Variants in ARSF observed in about 807,000 individuals in gnomAD.
ARSF encodes arylsulfatase F.
In ARSF, 33 loss-of-function variants were observed where a neutral mutation model predicts 35.4. The observed-to-expected ratio is 0.93, with a 90% CI of 0.71 to 1.25. ARSF has a LOEUF of 1.25. ARSF is among the 50% of genes most tolerant of loss of function. ARSF has a pLI of 0.00. For synonymous variants in ARSF, 222 were observed against 193.1 expected, an observed-to-expected ratio of 1.15 and a Z score of -1.24; for missense variants, 501 against 480.2, an observed-to-expected ratio of 1.04 and a Z score of -0.40.
At chrX:3,042,392 A>G (rs1438498959) in intron 1 of ARSF, among the ~76,000 whole-genome samples, 10 of 112,112 alleles carry the variant, frequency 8.9e-5, no homozygotes, top group Non-Finnish European at 1.7e-4. Flanking sequence ...GATATTCACT[A>G]AATGTCTGGG....
chrX:3,100,191 A>G (rs1348213271), intron 7 of ARSF, among the ~76,000 whole-genome samples: 1 of 112,469 alleles, frequency 8.9e-6, no homozygotes, highest in Non-Finnish European at 1.9e-5. Flanking sequence ...TCAAATAAGA[A>G]GGGAAGGGAA....
intron 7 of ARSF, among the ~76,000 whole-genome samples, chrX:3,090,910 CAT>C (rs2090284553): frequency 9.2e-6 from 1 of 108,304 alleles, no homozygotes; most frequent in Admixed American, 9.9e-5. Context: ...TATGAGTGCA[CAT>C]GTCTTTTTTT....
chrX:3,088,138 A>G (rs2090261828), intron 6 of ARSF, among the ~76,000 whole-genome samples: 1 of 111,999 alleles, frequency 8.9e-6, no homozygotes, highest in South Asian at 3.8e-4. Context: ...AGTTCCCTGT[A>G]TCCTCATGTG....
intron 6 of ARSF, among the ~76,000 whole-genome samples, chrX:3,086,863 CAA>C (rs1446158518): frequency 2.7e-5 from 3 of 111,522 alleles, no homozygotes; most frequent in Admixed American, 9.6e-5. Flanking sequence ...TAATGCAACA[CAA>C]AGTTATTATT....
At chrX:3,082,621 C>A (rs909048524) in intron 5 of ARSF, among the ~76,000 whole-genome samples, 1 of 110,942 alleles carries the variant, frequency 9.0e-6, no homozygotes, top group Non-Finnish European at 1.9e-5. Flanking sequence ...TATCTCTATC[C>A]CTGTCTATTT....
intron 8 of ARSF, among the ~76,000 whole-genome samples, chrX:3,102,897 C>T (rs1012043706): frequency 3.7e-5 from 4 of 107,607 alleles, no homozygotes; most frequent in Non-Finnish European, 5.7e-5. Flanking sequence ...GGCAACAGAG[C>T]GAGACTCCAT....
chrX:3,077,270 G>C (rs973734023), intron 4 of ARSF, among the ~76,000 whole-genome samples: 2 of 112,136 alleles, frequency 1.8e-5, no homozygotes, highest in Non-Finnish European at 3.8e-5. Flanking sequence ...AGCTGTCTTG[G>C]AATGAAGTAA....
At position 3,054,280 on chromosome X, in the gene ARSF, G is replaced by C. The variant is rs2090008781; in HGVS notation, c.-29+12617G>C. The stretch of plus-strand genomic sequence containing the variant: ...CCAAATTCTCTATTACTACCTCCAA[G>C]GTCCCAGCATTGACGATCTGTTCTT... On this transcript the variant is annotated intron_variant, in intron 1 of 10. Coordinates refer to ENST00000381127, the MANE Select transcript of ARSF (RefSeq NM_001201539.2). 2.7e-5 allele frequency among the ~76,000 whole-genome samples: 3 copies of C among 111,093 alleles called. No individual in the cohort carries two copies. In the South Asian group the frequency reaches 1.1e-3, roughly 42 times the overall value.
At position 3,089,393 on chromosome X, in the gene ARSF, T is replaced by C. The variant is rs924894373; in HGVS notation, c.831-103T>C. The C allele has an allele frequency of 1.5e-5, 15 of 973,789 alleles. No individual in the cohort carries two copies. In the African/African-American group the frequency reaches 2.8e-4, roughly 18 times the overall value. 80.3% of individuals were successfully genotyped at this position (973,789 alleles called of 1,213,427 possible). On this transcript the variant is annotated intron_variant, in intron 6 of 10. Coordinates refer to ENST00000381127, the MANE Select transcript of ARSF (RefSeq NM_001201539.2). Reference sequence around the variant, plus strand: ...TGGACCCACTCTATCTTCTGCAGCTTGGAGAAGAAGGAAGCAGGTCATGTC... The same window carrying C: ...TGGACCCACTCTATCTTCTGCAGCTCGGAGAAGAAGGAAGCAGGTCATGTC...
At chrX:3,096,419 T>G (rs948059753) in intron 7 of ARSF, among the ~76,000 whole-genome samples, 17 of 111,355 alleles carry the variant, frequency 1.5e-4, no homozygotes, top group African/African-American at 4.9e-4. Context: ...ATACATGTAT[T>G]AGTTATTTCA....
chrX:3,083,477 CTA>C (rs1309306501), intron 5 of ARSF, among the ~76,000 whole-genome samples: 4 of 93,030 alleles, frequency 4.3e-5, no homozygotes, highest in Non-Finnish European at 2.1e-5. Context: ...CTCCTCTCCT[CTA>C]TCCTATCTAT....
chrX:3,111,158 TA>T (rs1329199473), intron 10 of ARSF, among the ~76,000 whole-genome samples: 1 of 107,928 alleles, frequency 9.3e-6, no homozygotes, highest in African/African-American at 3.4e-5. Context: ...TTTTTGGAGA[TA>T]AAAAAATATG....
chrX:3,063,278 T>A (rs977685321), intron 1 of ARSF, among the ~76,000 whole-genome samples: 6 of 111,434 alleles, frequency 5.4e-5, no homozygotes, highest in African/African-American at 2.0e-4. Flanking sequence ...AAACTCTCAA[T>A]AAACTAGGTA....
chrX:3,080,800 T>C, intron 4 of ARSF, 91 bp from the exon 5 acceptor site: 1 of 1,073,833 alleles, frequency 9.3e-7, no homozygotes, highest in Non-Finnish European at 1.3e-6. Flanking sequence ...ACCTTGCAGA[T>C]GAGGATTTCA....
intron 9 of ARSF, among the ~76,000 whole-genome samples, chrX:3,107,577 C>T (rs1252895856): frequency 9.0e-6 from 1 of 110,656 alleles, no homozygotes; most frequent in Admixed American, 9.6e-5. Flanking sequence ...TCTAGAATAG[C>T]CTAAAATTTT....
intron 1 of ARSF, among the ~76,000 whole-genome samples, chrX:3,046,287 T>G (rs1186668898): frequency 8.9e-6 from 1 of 112,081 alleles, no homozygotes; most frequent in African/African-American, 3.2e-5. Flanking sequence ...TTGGCACAGC[T>G]GCCAGCATTT....
At chrX:3,049,920 G>A (rs1222650977) in intron 1 of ARSF, among the ~76,000 whole-genome samples, 1 of 109,758 alleles carries the variant, frequency 9.1e-6, no homozygotes, top group Admixed American at 9.9e-5. Flanking sequence ...ACATGCAATG[G>A]TGCCATCTTG....
In ARSF at chrX:3,076,560, C is replaced by G. The variant is rs758361610; in HGVS notation, c.174C>G (p.Ile58Met). ...YGNDTMRTPH[I>M]DRLAREGVRL... Reference sequence around the variant, plus strand: ...TCTCCCCCTTCAGGACGCCTCACATCGACCGCCTTGCCAGGGAAGGCGTGC... The same window carrying G: ...TCTCCCCCTTCAGGACGCCTCACATGGACCGCCTTGCCAGGGAAGGCGTGC... The change falls in exon 4 of 11, where the codon ATC (isoleucine) becomes ATG (methionine). Residue 58 changes from isoleucine (I) to methionine (M), a missense_variant. Ile to Met is a conservative substitution (Grantham distance 10, BLOSUM62 1). Transcript: ENST00000381127. 1.7e-6 allele frequency: 2 copies of G among 1,205,981 alleles called. No homozygotes were observed. The highest frequency in any genetic ancestry group is 1.1e-6 in the Non-Finnish European group (1 of 892,964).
chrX:3,060,677 C>T (rs1251472363), intron 1 of ARSF, among the ~76,000 whole-genome samples: 1 of 111,431 alleles, frequency 9.0e-6, no homozygotes, highest in Non-Finnish European at 1.9e-5. Flanking sequence ...GCCCAAGCTT[C>T]AATAGCCGAT....
Sources: gnomAD v4.1 joint callset for allele counts (sites outside exome capture counted in the v4.1 genomes callset) on GRCh38, gnomAD v4.1.1 for gene constraint, MANE v1.5 for transcripts, NCBI Gene and HGNC (gene_info 2026-07-23, HGNC 2026-07-21) for gene names.